The following MMEL1 variants were observed in gnomAD, a reference collection of about 807,000 sequenced individuals.
The protein encoded by MMEL1 is membrane metalloendopeptidase like 1.
A neutral mutation model predicts 117.1 loss-of-function variants in MMEL1; 98 were observed. The ratio of observed to expected loss-of-function variants is 0.84; its 90% confidence interval spans 0.71 to 0.99. The LOEUF (loss-of-function observed/expected upper bound fraction) is 0.99, where lower values mean the gene tolerates loss of function less well. MMEL1 is among the 50% of genes least tolerant of loss of function. The pLI, the probability that MMEL1 is intolerant of heterozygous loss-of-function variation, is 0.00. For missense variants in MMEL1, 1,014 were observed against 1,049.1 expected, an observed-to-expected ratio of 0.97 and a Z score of 0.46; for synonymous variants, 390 against 415.1, an observed-to-expected ratio of 0.94 and a Z score of 0.74.
chr1:2,601,462 G>C (rs934575671), intron 11 of MMEL1, among the ~76,000 whole-genome samples: 1 of 152,120 alleles, frequency 6.6e-6, no homozygotes, highest in African/African-American at 2.4e-5. Context: ...TCAACTCACA[G>C]TAGATTGTAG....
intron 4 of MMEL1, among the ~76,000 whole-genome samples, chr1:2,610,519 G>A (rs969352359): frequency 1.3e-5 from 2 of 152,202 alleles, no homozygotes; most frequent in African/African-American, 2.4e-5. Context: ...CTGGCTGTCC[G>A]CCAGGGCCTT....
At chr1:2,609,873 A>T (rs1392744547) in intron 4 of MMEL1, 42 bp from the exon 5 acceptor site, 1 of 1,573,468 alleles carries the variant, frequency 6.4e-7, no homozygotes, top group Admixed American at 1.8e-5. Flanking sequence ...GGGGAGACAG[A>T]GAGAGTTGTG....
chr1:2,598,848 T>C, intron 11 of MMEL1, 58 bp from the exon 12 acceptor site: 2 of 1,481,666 alleles, frequency 1.3e-6, no homozygotes, highest in Non-Finnish European at 9.3e-7. Context: ...AAACAGTTCC[T>C]GGGAATCTAA....
chr1:2,629,617 C>T, intron 1 of MMEL1, 96 bp from the exon 2 acceptor site: 1 of 1,151,438 alleles, frequency 8.7e-7, no homozygotes, highest in Non-Finnish European at 1.2e-6. Context: ...GGAGCGGGCG[C>T]TGGGTGCCTT....
intron 12 of MMEL1, 72 bp from the exon 13 acceptor site, chr1:2,598,372 G>A: frequency 1.3e-6 from 2 of 1,484,574 alleles, no homozygotes; most frequent in Non-Finnish European, 9.4e-7. Context: ...TATGGCTTAG[G>A]GCCCTTGGCC....
At chr1:2,594,520 C>A (rs990894553) in intron 17 of MMEL1, 77 bp from the exon 18 acceptor site, 163 of 1,489,144 alleles carry the variant, frequency 1.1e-4, no homozygotes, top group Non-Finnish European at 1.1e-4. Flanking sequence ...CTTGATGGAC[C>A]AGGGCCTACC....
intron 1 of MMEL1, 72 bp from the exon 2 acceptor site, chr1:2,629,593 C>T: frequency 1.5e-6 from 2 of 1,328,092 alleles, no homozygotes; most frequent in Non-Finnish European, 2.0e-6. Context: ...GCTGGAAGGG[C>T]CGGATGCTGG....
chr1:2,591,761 C>G lies in MMEL1; in HGVS notation c.2164-128G>C, dbSNP rs995363527. 9 of 1,033,234 alleles carry G rather than the reference C, an allele frequency of 8.7e-6. No individual in the cohort carries two copies. In the Admixed American group the frequency reaches 1.4e-4, roughly 16 times the overall value. 64.0% of individuals were successfully genotyped at this position (1,033,234 alleles called of 1,614,324 possible). A position where few individuals can be genotyped will look rare whatever the true frequency, so the allele number is the denominator to read the frequency against. ...GTGAGGGGAGTCAGCAGGTGCTCCC[C>G]TCCTCCCATCAGCATTGAAATCCTG... is the stretch of plus-strand genomic sequence containing the variant. On this transcript the variant is annotated intron_variant, in intron 22 of 23. Coordinates refer to ENST00000378412, the MANE Select transcript of MMEL1 (RefSeq NM_033467.4).
intron 19 of MMEL1, 84 bp from the exon 20 acceptor site, chr1:2,593,050 C>T: frequency 6.6e-7 from 1 of 1,522,004 alleles, no homozygotes; most frequent in Non-Finnish European, 8.9e-7. Flanking sequence ...CCTGGCCGCT[C>T]CTGCCCCTCC....
Position 2,612,281 on chromosome 1 carries a change from G to C in MMEL1, c.155-77C>G. On this transcript the variant is annotated intron_variant, in intron 2 of 23. Coordinates refer to ENST00000378412, the MANE Select transcript of MMEL1 (RefSeq NM_033467.4). This position sits in a 1 kb window ranked among gnomAD's most constrained non-coding sequence, Gnocchi z 5.4. ...GGGTGCTGGGGGCCTCCCTGGGTCA[G>C]CACGCCATCTTCCCACAGTGCTGGG... is the stretch of plus-strand genomic sequence containing the variant. 4 of 1,241,948 alleles carry C rather than the reference G, an allele frequency of 3.2e-6. No homozygotes were observed. The highest frequency in any genetic ancestry group is 4.6e-6 in the Non-Finnish European group (4 of 870,170). The allele number at this position is 1,241,948 out of a possible 1,614,324, so 76.9% of individuals were successfully genotyped here. A position where few individuals can be genotyped will look rare whatever the true frequency, so the allele number is the denominator to read the frequency against.
chr1:2,594,009 G>A, intron 18 of MMEL1, 76 bp from the exon 19 acceptor site: 2 of 1,490,672 alleles, frequency 1.3e-6, no homozygotes, highest in Non-Finnish European at 1.8e-6. Flanking sequence ...GGATGGCGCT[G>A]CCAGGGGTTC....
intron 9 of MMEL1, 109 bp from the exon 10 acceptor site, chr1:2,604,390 G>A (rs1570672740): frequency 9.0e-6 from 13 of 1,439,998 alleles, no homozygotes; most frequent in South Asian, 5.3e-5. Context: ...CCCCTAATGC[G>A]TGTCCACCCA....
chr1:2,617,352 G>A (rs1202876933), intron 2 of MMEL1, among the ~76,000 whole-genome samples: 4 of 150,508 alleles, frequency 2.7e-5, no homozygotes, highest in South Asian at 2.1e-4. Context: ...GCGTGAACCC[G>A]GGAGGCAGAG....
intron 4 of MMEL1, 115 bp downstream of exon 4, chr1:2,611,166 C>G: frequency 9.2e-7 from 1 of 1,085,244 alleles, no homozygotes; most frequent in African/African-American, 1.6e-5. Context: ...CCCGGCTCCA[C>G]CGCCCGCCGT....
At chr1:2,623,891 G>A (rs867455165) in intron 2 of MMEL1, among the ~76,000 whole-genome samples, 1 of 152,180 alleles carries the variant, frequency 6.6e-6, no homozygotes, top group Admixed American at 6.5e-5. Context: ...CAAATCCCCT[G>A]TTCTGTAGGA....
chr1:2,592,669 G>T lies in MMEL1; in HGVS notation c.2053C>A (p.Arg685=). The T allele has an allele frequency of 1.3e-6, 2 of 1,558,862 alleles. No homozygotes were observed. Among genetic ancestry groups the T allele is most frequent in the Non-Finnish European group, 8.7e-7 (1 of 1,151,118 alleles). Residue 685 remains arginine (R), a synonymous_variant, in exon 21 of 24, where the codon CGG becomes AGG. Coordinates refer to ENST00000378412, the MANE Select transcript of MMEL1 (RefSeq NM_033467.4). ...CCAGGCCCCACCTTATAGGCTTGCC[G>T]CACCCCTCCGTTGTCAGCAATGTTT... The part of the protein sequence containing the change: ...GENIADNGGV[R]QAYKAYLKWM...
intron 2 of MMEL1, among the ~76,000 whole-genome samples, chr1:2,620,265 G>A (rs953235751): frequency 1.3e-5 from 2 of 152,146 alleles, no homozygotes; most frequent in African/African-American, 4.8e-5. Context: ...GGAGTCAGAA[G>A]GCATGAGAGC....
At position 2,612,126 on chromosome 1, in the gene MMEL1, C is replaced by T. The variant is rs899904971; in HGVS notation, c.232+1G>A. On this transcript the variant is annotated splice_donor_variant, in intron 3 of 23. Transcript: ENST00000378412. LOFTEE classifies it high-confidence loss of function. The surrounding 1 kb of genome is among the most constrained non-coding windows in gnomAD (Gnocchi z 5.4). ...GTTTTGGAAGGGAAGGCAAAGGCTACCTCGGGGTTTTCGTTTTACAAAGGT... is the reference window on the plus strand; with the variant it reads ...GTTTTGGAAGGGAAGGCAAAGGCTATCTCGGGGTTTTCGTTTTACAAAGGT... 1.3e-6 allele frequency: 2 copies of T among 1,576,092 alleles called. No homozygotes were observed. The highest frequency in any genetic ancestry group is 1.3e-5 in the African/African-American group (1 of 74,098).
chr1:2,592,856 A>G lies in MMEL1; in HGVS notation c.1978T>C (p.Trp660Arg), dbSNP rs202083467. The stretch of plus-strand genomic sequence containing the variant: ...ACGTTCTGTTCGTCTGCCAGGTCCC[A>G]GGAGTAGTTGCCGTACTGGTAGATC... The part of the protein sequence containing the change: ...CMIYQYGNYS[W>R]DLADEQNVNG... Residue 660 changes from tryptophan (W) to arginine (R), a missense_variant, in exon 20 of 24, where the codon TGG becomes CGG. Coordinates refer to ENST00000378412, the MANE Select transcript of MMEL1 (RefSeq NM_033467.4). The G allele has an allele frequency of 1.9e-4, 311 of 1,613,544 alleles. No homozygotes were observed. The highest frequency in any genetic ancestry group is 2.4e-4 in the Non-Finnish European group (281 of 1,179,930).
Sources: allele counts gnomAD v4.1 joint callset (sites outside exome capture counted in the v4.1 genomes callset), GRCh38; gene constraint gnomAD v4.1.1; non-coding constraint Gnocchi (gnomAD v3.1); transcripts MANE v1.5; gene names NCBI Gene and HGNC (gene_info 2026-07-23, HGNC 2026-07-21).